CDH13: variants seen among roughly 807,000 people sequenced by gnomAD.
The protein encoded by CDH13 is cadherin 13.
CDH13 carries 24 observed loss-of-function variants against 63.8 expected under a neutral mutation model. The observed-to-expected ratio is 0.38, with a 90% CI of 0.27 to 0.53. CDH13 has a LOEUF of 0.53. Among genes scored for constraint, CDH13 ranks in the 20% least tolerant of loss-of-function variants. The pLI is 0.85. For synonymous variants in CDH13, 503 were observed against 355.3 expected, an observed-to-expected ratio of 1.42 and a Z score of -4.67; for missense variants, 1,049 against 903.1, an observed-to-expected ratio of 1.16 and a Z score of -2.07.
chr16:83,409,818 A>G (rs2092100882), intron 6 of CDH13, among the ~76,000 whole-genome samples: 1 of 152,228 alleles, frequency 6.6e-6, no homozygotes, highest in East Asian at 1.9e-4. Context: ...GATTCTTGGG[A>G]TATCAGTAAG....
chr16:82,917,948 T>C (rs1031943027), intron 2 of CDH13, among the ~76,000 whole-genome samples: 4 of 141,054 alleles, frequency 2.8e-5, no homozygotes, highest in South Asian at 2.2e-4. Context: ...GTAAAGTAAA[T>C]GGATGCACAT....
intron 1 of CDH13, among the ~76,000 whole-genome samples, chr16:82,711,190 A>T (rs1383211730): frequency 6.6e-6 from 1 of 152,172 alleles, no homozygotes; most frequent in Non-Finnish European, 1.5e-5. Context: ...TCTAATAATG[A>T]CTATGAGGGA....
At chr16:83,686,705 A>G (rs1904337569) in intron 10 of CDH13, among the ~76,000 whole-genome samples, 2 of 152,208 alleles carry the variant, frequency 1.3e-5, no homozygotes, top group South Asian at 4.1e-4. Context: ...AAAAAAATGT[A>G]TTTTTAGTGT....
chr16:83,296,350 A>T (rs138644044), intron 5 of CDH13, among the ~76,000 whole-genome samples: 1 of 152,168 alleles, frequency 6.6e-6, no homozygotes, highest in Non-Finnish European at 1.5e-5. Flanking sequence ...GAGTCGGATG[A>T]TGCATTCTGT....
At chr16:83,520,608 T>G (rs959438106) in intron 7 of CDH13, among the ~76,000 whole-genome samples, 5 of 152,216 alleles carry the variant, frequency 3.3e-5, no homozygotes, top group African/African-American at 4.8e-5. Context: ...CAGGTTCTTG[T>G]TTGCATATAA....
intron 4 of CDH13, among the ~76,000 whole-genome samples, chr16:83,128,922 G>A (rs1033192824): frequency 1.3e-5 from 2 of 152,216 alleles, no homozygotes; most frequent in African/African-American, 2.4e-5. Flanking sequence ...TAGACAATGC[G>A]CAAGAGCCTT....
At chr16:83,649,546 G>T (rs1342866009) in intron 8 of CDH13, among the ~76,000 whole-genome samples, 2 of 152,136 alleles carry the variant, frequency 1.3e-5, no homozygotes, top group Non-Finnish European at 2.9e-5. Flanking sequence ...GAAATAAGTT[G>T]ATGTGCAGGG....
At chr16:83,087,697 A>AAAAAAAAAAAAAAC (rs1567817140) in intron 3 of CDH13, among the ~76,000 whole-genome samples, 24 of 144,388 alleles carry the variant, frequency 1.7e-4, no homozygotes, top group African/African-American at 6.4e-4. Flanking sequence ...AAAAAAAAAA[A>AAAAAAAAAAAAAAC]GCCTAGCACC....
intron 3 of CDH13, among the ~76,000 whole-genome samples, chr16:83,060,844 G>T (rs2031477061): frequency 6.6e-6 from 1 of 152,116 alleles, no homozygotes; most frequent in Non-Finnish European, 1.5e-5. Context: ...GCCTTCCACT[G>T]CCTTCCACAG....
intron 10 of CDH13, among the ~76,000 whole-genome samples, chr16:83,726,678 A>AC (rs112775578): frequency 7.2e-5 from 11 of 152,124 alleles, no homozygotes; most frequent in Admixed American, 1.3e-4. Flanking sequence ...TACTAAAAAT[A>AC]CAAAAAAAAA....
chr16:82,843,708 C>T (rs1304749857), intron 1 of CDH13, among the ~76,000 whole-genome samples: 2 of 152,202 alleles, frequency 1.3e-5, no homozygotes, highest in Non-Finnish European at 2.9e-5. Context: ...ACAAATCTGA[C>T]ATCTTGTCTA....
At chr16:82,873,318 T>C (rs1162927855) in intron 2 of CDH13, among the ~76,000 whole-genome samples, 1 of 152,158 alleles carries the variant, frequency 6.6e-6, no homozygotes, top group Middle Eastern at 3.2e-3. Flanking sequence ...TAGATAGGGG[T>C]ATAAAGATTG....
intron 7 of CDH13, among the ~76,000 whole-genome samples, chr16:83,548,817 T>C (rs1485838606): frequency 6.6e-6 from 1 of 152,184 alleles, no homozygotes; most frequent in Non-Finnish European, 1.5e-5. Flanking sequence ...ACCCCTCTTT[T>C]TTCTGCCCTA....
At chr16:83,718,283 G>T (rs1400259084) in intron 10 of CDH13, among the ~76,000 whole-genome samples, 1 of 152,218 alleles carries the variant, frequency 6.6e-6, no homozygotes, top group Admixed American at 6.5e-5. Flanking sequence ...GTAGGCTGGG[G>T]GAGGTCCCCA....
At chr16:83,572,070 C>A (rs1163968606) in intron 7 of CDH13, among the ~76,000 whole-genome samples, 3 of 152,168 alleles carry the variant, frequency 2.0e-5, no homozygotes, top group African/African-American at 4.8e-5. Context: ...CCAGAAAACT[C>A]ACAAAGGCTG....
At chr16:83,196,280 GA>G (rs1000091684) in intron 4 of CDH13, among the ~76,000 whole-genome samples, 11 of 151,944 alleles carry the variant, frequency 7.2e-5, no homozygotes, top group African/African-American at 2.7e-4. Flanking sequence ...AACAAAAACA[GA>G]AAATGTTAAC....
At chr16:83,212,840 C>A (rs1567510764) in intron 4 of CDH13, among the ~76,000 whole-genome samples, 1 of 152,144 alleles carries the variant, frequency 6.6e-6, no homozygotes, top group East Asian at 1.9e-4. Flanking sequence ...TGGGAATTTG[C>A]GTTTTTAATG....
intron 3 of CDH13, among the ~76,000 whole-genome samples, chr16:83,103,712 T>C (rs11150539): frequency 0.46 from 69,651 of 151,960 alleles, 16,551 homozygotes; most frequent in Middle Eastern, 0.62. Context: ...GTGCCTCACT[T>C]TCCTCATCTG....
intron 6 of CDH13, among the ~76,000 whole-genome samples, chr16:83,366,733 C>G (rs554150665): frequency 9.2e-5 from 14 of 152,176 alleles, no homozygotes; most frequent in Non-Finnish European, 1.2e-4. Flanking sequence ...TGGAATATGA[C>G]CTTCTCCTGA....
Sources: gnomAD v4.1 joint callset for allele counts (sites outside exome capture counted in the v4.1 genomes callset) on GRCh38, gnomAD v4.1.1 for gene constraint, MANE v1.5 for transcripts, NCBI Gene and HGNC (gene_info 2026-07-23, HGNC 2026-07-21) for gene names.